Variants in DYM observed in about 807,000 individuals in gnomAD.
The protein encoded by DYM is dyggve-Melchior-Clausen syndrome protein.
A neutral mutation model predicts 93.1 loss-of-function variants in DYM; 78 were observed. The ratio of observed to expected loss-of-function variants is 0.84; its 90% confidence interval spans 0.70 to 1.01. DYM has a LOEUF of 1.01. Among genes scored for constraint, DYM ranks in the 50% least tolerant of loss-of-function variants. The probability of loss-of-function intolerance (pLI) is 0.00; values close to 1 mark genes in which losing one functional copy is unlikely to be tolerated. For synonymous variants in DYM, 321 were observed against 319.7 expected, an observed-to-expected ratio of 1.00 and a Z score of -0.04; for missense variants, 789 against 845.0, an observed-to-expected ratio of 0.93 and a Z score of 0.82.
intron 15 of DYM, among the ~76,000 whole-genome samples, chr18:49,134,340 T>C (rs953778898): frequency 1.3e-5 from 2 of 152,176 alleles, no homozygotes; most frequent in African/African-American, 4.8e-5. Flanking sequence ...GGAGATTACG[T>C]TTCAAACAGC....
At chr18:49,219,195 G>C (rs896051611) in intron 13 of DYM, among the ~76,000 whole-genome samples, 1 of 152,142 alleles carries the variant, frequency 6.6e-6, no homozygotes, top group Admixed American at 6.5e-5. Context: ...ACCCTCCCAA[G>C]ACTAAACCAG....
intron 2 of DYM, among the ~76,000 whole-genome samples, chr18:49,399,080 G>C (rs1160052414): frequency 6.6e-6 from 1 of 152,168 alleles, no homozygotes; most frequent in African/African-American, 2.4e-5. Flanking sequence ...GGGTGCCTAG[G>C]ACATGCTAGG....
At chr18:49,201,199 T>G (rs765641640) in intron 14 of DYM, among the ~76,000 whole-genome samples, 2 of 152,234 alleles carry the variant, frequency 1.3e-5, no homozygotes, top group Non-Finnish European at 2.9e-5. Flanking sequence ...TACTAAATAT[T>G]TGCCATGTTG....
chr18:49,364,400 G>A (rs538815043), intron 5 of DYM, among the ~76,000 whole-genome samples: 30 of 151,754 alleles, frequency 2.0e-4, no homozygotes, highest in East Asian at 5.8e-4. Context: ...AACTGAGGTC[G>A]CGCCACAGCA....
At chr18:49,387,812 G>A (rs2068785776) in intron 3 of DYM, among the ~76,000 whole-genome samples, 1 of 151,938 alleles carries the variant, frequency 6.6e-6, no homozygotes, top group Non-Finnish European at 1.5e-5. Context: ...TCAGTGGTCT[G>A]GAACTGACCC....
At chr18:49,136,955 T>A (rs1331156109) in intron 15 of DYM, among the ~76,000 whole-genome samples, 1 of 152,154 alleles carries the variant, frequency 6.6e-6, no homozygotes, top group Non-Finnish European at 1.5e-5. Context: ...ATGAATACAC[T>A]ATAACAAGAA....
At chr18:49,418,815 AGTC>A (rs2073304347) in intron 2 of DYM, among the ~76,000 whole-genome samples, 1 of 152,182 alleles carries the variant, frequency 6.6e-6, no homozygotes, top group Non-Finnish European at 1.5e-5. Context: ...AAGCCTACTC[AGTC>A]CCAAGGTCAA....
chr18:49,156,292 C>T (rs1487878983), intron 15 of DYM, among the ~76,000 whole-genome samples: 1 of 152,142 alleles, frequency 6.6e-6, no homozygotes, highest in African/African-American at 2.4e-5. Flanking sequence ...AGTTGGCCTT[C>T]CGTGAGAGGA....
chr18:49,202,503 G>A (rs1202906225), intron 14 of DYM, among the ~76,000 whole-genome samples: 46 of 138,200 alleles, frequency 3.3e-4, no homozygotes, highest in Middle Eastern at 7.0e-3. Flanking sequence ...AGTCTGGAAA[G>A]TGAGGAGCGT....
chr18:49,249,247 A>G (rs1310186800), intron 13 of DYM, among the ~76,000 whole-genome samples: 1 of 152,254 alleles, frequency 6.6e-6, no homozygotes, highest in East Asian at 1.9e-4. Context: ...TAAATGTAAC[A>G]CAAGAGAGAT....
chr18:49,252,216 CAAAAAAAAAAAA>C (rs774500057), intron 13 of DYM, among the ~76,000 whole-genome samples: 5 of 27,230 alleles, frequency 1.8e-4, no homozygotes, highest in South Asian at 3.6e-3. Flanking sequence ...AGACTTGCCT[CAAAAAAAAAAAA>C]AAAAAAAAAA....
intron 15 of DYM, chr18:49,126,311 G>A (rs996650635): frequency 1.3e-5 from 2 of 152,134 alleles, no homozygotes; most frequent in Non-Finnish European, 2.9e-5. Context: ...TGTACCCTGA[G>A]ATTCTGATTT....
chr18:49,352,087 G>C (rs2147180631), intron 6 of DYM, among the ~76,000 whole-genome samples: 1 of 152,310 alleles, frequency 6.6e-6, no homozygotes, highest in Middle Eastern at 3.4e-3. Flanking sequence ...AATGAACCTT[G>C]AAAACATACT....
Position 49,286,565 on chromosome 18 carries a change from G to A in DYM, c.815C>T (p.Ala272Val), listed in dbSNP as rs1254141727. Residue 272 changes from alanine to valine, a missense_variant, in exon 9 of 18, where the codon GCC (alanine) becomes GTC (valine). By Grantham distance (64) the Ala-to-Val change is moderately conservative. Transcript: ENST00000675505. ...TLGGVGSKAA[A>V]SPELSSPLAN... is the part of the protein sequence containing the mutation. ...CAGAGGGGAAGAAAGCTCTGGAGAG[G>A]CAGCCGCTTTGCTGCCCACACCACC... 1 of 1,614,090 alleles carries A rather than the reference G, an allele frequency of 6.2e-7. No homozygotes were observed. The highest frequency in any genetic ancestry group is 2.2e-5 in the East Asian group (1 of 44,842).
chr18:49,383,144 C>T (rs2068218287), intron 3 of DYM, among the ~76,000 whole-genome samples: 1 of 152,112 alleles, frequency 6.6e-6, no homozygotes, highest in Non-Finnish European at 1.5e-5. Context: ...GGGAAACTTG[C>T]TTTGAAAAGA....
chr18:49,213,296 C>CTTTT (rs36072258), intron 13 of DYM, among the ~76,000 whole-genome samples: 1 of 140,040 alleles, frequency 7.1e-6, no homozygotes, highest in Non-Finnish European at 1.6e-5. Flanking sequence ...CTTTTTCTAA[C>CTTTT]TTTTTTTTTT....
intron 2 of DYM, among the ~76,000 whole-genome samples, chr18:49,396,865 T>C (rs1170513873): frequency 6.6e-6 from 1 of 152,144 alleles, no homozygotes; most frequent in Admixed American, 6.6e-5. Context: ...ACTTAAAAAG[T>C]TGATCCCATA....
intron 2 of DYM, chr18:49,411,775 G>A (rs2072274738): frequency 6.6e-6 from 1 of 152,082 alleles, no homozygotes; most frequent in Admixed American, 6.5e-5. Context: ...TATTAATGAT[G>A]TCAATTTCAG....
chr18:49,209,548 A>C lies in DYM; in HGVS notation c.1625+3T>G. On this transcript the variant is annotated splice_donor_region_variant and intron_variant, in intron 14 of 17. Coordinates refer to ENST00000675505, the MANE Select transcript of DYM (RefSeq NM_001353214.3). ...CAGTAAATGGACAGCAGAGGTTAAT[A>C]ACCTGGAAGCATAGGATCTGAGAAT... The C allele has an allele frequency of 7.8e-7, 1 of 1,289,186 alleles. No individual in the cohort carries two copies. The highest frequency in any genetic ancestry group is 1.0e-6 in the Non-Finnish European group (1 of 988,566). 79.9% of individuals were successfully genotyped at this position (1,289,186 alleles called of 1,614,324 possible).
Sources: allele counts gnomAD v4.1 joint callset (sites outside exome capture counted in the v4.1 genomes callset), GRCh38; gene constraint gnomAD v4.1.1; transcripts MANE v1.5; gene names NCBI Gene and HGNC (gene_info 2026-07-23, HGNC 2026-07-21).